The following ZNF486 variants were observed in gnomAD, a reference collection of about 807,000 sequenced individuals.
The protein encoded by ZNF486 is zinc finger protein 486, also known as KRAB box only protein 2.
In ZNF486, 12 loss-of-function variants were observed where a neutral mutation model predicts 12.8. The observed-to-expected ratio is 0.94, with a 90% CI of 0.60 to 1.52. The LOEUF (loss-of-function observed/expected upper bound fraction) is 1.52. ZNF486 is among the 40% of genes most tolerant of loss of function. The pLI, the probability that ZNF486 is intolerant of heterozygous loss-of-function variation, is 0.00. For missense variants in ZNF486, 738 were observed against 545.0 expected (o/e 1.35, Z -3.53); for synonymous variants, 231 against 184.9 (o/e 1.25, Z -2.02).
At chr19:20,191,523 AT>A (rs1555717210) in intron 3 of ZNF486, among the ~76,000 whole-genome samples, 1 of 150,700 alleles carries the variant, frequency 6.6e-6, no homozygotes, top group Non-Finnish European at 1.5e-5. Flanking sequence ...TAATCCCAGC[AT>A]TTTGGGAGGC....
At chr19:20,180,844 T>A (rs928909082) in intron 1 of ZNF486, among the ~76,000 whole-genome samples, 4 of 152,228 alleles carry the variant, frequency 2.6e-5, no homozygotes, top group Admixed American at 2.0e-4. Context: ...TACTTTTTTT[T>A]ACCTTCTAAA....
chr19:20,172,300 G>C (rs954072130), intron 1 of ZNF486, among the ~76,000 whole-genome samples: 1 of 139,884 alleles, frequency 7.1e-6, no homozygotes, highest in Non-Finnish European at 1.5e-5. Flanking sequence ...ACTGCACCTA[G>C]CTTTTGCCTA....
chr19:20,187,868 T>C (rs782059156), intron 3 of ZNF486, among the ~76,000 whole-genome samples: 22 of 152,120 alleles, frequency 1.4e-4, no homozygotes, highest in African/African-American at 5.1e-4. Flanking sequence ...GGTGATGAGA[T>C]GCCCTCTGAA....
intron 3 of ZNF486, among the ~76,000 whole-genome samples, chr19:20,194,516 C>T (rs1433071180): frequency 1.3e-5 from 2 of 152,124 alleles, no homozygotes; most frequent in African/African-American, 4.8e-5. Context: ...CACCTGAGGT[C>T]AGAAGTTTGA....
In ZNF486 at chr19:20,184,197, T is replaced by C. The variant is rs189889214; in HGVS notation, c.31-159T>C. Among the ~76,000 whole-genome samples, 387 of 152,308 alleles carry C rather than the reference T, an allele frequency of 2.5e-3. 2 individuals carry two copies. Among genetic ancestry groups the C allele is most frequent in the African/African-American group, 8.9e-3 (370 of 41,578 alleles). On this transcript the variant is annotated intron_variant, in intron 1 of 3. Coordinates refer to ENST00000335117, the MANE Select transcript of ZNF486 (RefSeq NM_052852.4). ...GCTCTTTTTTTTCAGAGATAGAGAA[T>C]ACATTAGAAAATATTTCTGTATTGA...
intron 3 of ZNF486, among the ~76,000 whole-genome samples, chr19:20,192,638 G>A: frequency 6.6e-6 from 1 of 152,142 alleles, no homozygotes; most frequent in South Asian, 2.1e-4. Context: ...GTCTCACTCT[G>A]TCAACCAGGC....
Position 20,197,862 on chromosome 19 carries a change from C to A in ZNF486, c.1152C>A (p.Gly384=). ...GEKPYKCEEC[G]KAFTWSAGLH... ...AACCATACAAATGTGAAGAATGTGG[C>A]AAAGCCTTTACATGGTCTGCAGGCC... Residue 384 remains glycine (G), a synonymous_variant, in exon 4 of 4, where the codon GGC becomes GGA. Transcript: ENST00000335117. 6.2e-7 allele frequency: 1 copy of A among 1,613,386 alleles called. No individual in the cohort carries two copies. Among genetic ancestry groups the A allele is most frequent in the Non-Finnish European group, 8.5e-7 (1 of 1,179,912 alleles).
intron 3 of ZNF486, among the ~76,000 whole-genome samples, chr19:20,189,488 A>G (rs1439558100): frequency 6.6e-6 from 1 of 152,220 alleles, no homozygotes; most frequent in Admixed American, 6.5e-5. Flanking sequence ...TTATTGCAAC[A>G]TCAACAGATT....
In ZNF486 at chr19:20,196,972, T is replaced by A. The variant is rs1555718069; in HGVS notation, c.262T>A (p.Ser88Thr). 6.5e-7 allele frequency: 1 copy of A among 1,546,658 alleles called. No individual in the cohort carries two copies. The highest frequency in any genetic ancestry group is 8.7e-7 in the Non-Finnish European group (1 of 1,152,960). ...TTTATTGTTTCTTTCAGTTGTGTGT[T>A]CTCATTTTGCCCAAGACCTTTGGCC... is the stretch of plus-strand genomic sequence containing the variant. ...EMIAKPPVVC[S>T]HFAQDLWPEQ... is the part of the protein sequence containing the mutation. Residue 88 changes from serine to threonine, a missense_variant, in exon 4 of 4, where the codon TCT (serine) becomes ACT (threonine). Transcript: ENST00000335117.
intron 1 of ZNF486, 23 bp from the exon 2 acceptor site, chr19:20,184,333 G>A (rs529252263): frequency 2.5e-6 from 3 of 1,186,954 alleles, no homozygotes; most frequent in African/African-American, 1.5e-5. Flanking sequence ...TGGTGAAAAT[G>A]TGTGTGTGTG....
intron 1 of ZNF486, among the ~76,000 whole-genome samples, chr19:20,183,943 G>GAA (rs34791235): frequency 6.6e-6 from 1 of 150,698 alleles, no homozygotes; most frequent in Non-Finnish European, 1.5e-5. Flanking sequence ...AGATCTTTTG[G>GAA]AAAAAAAAAT....
intron 3 of ZNF486, among the ~76,000 whole-genome samples, chr19:20,192,352 CCAAGCTGGAGTG>C (rs1371011724): frequency 6.6e-6 from 1 of 151,974 alleles, no homozygotes; most frequent in African/African-American, 2.4e-5. Flanking sequence ...CTTTTGTTGC[CCAAGCTGGAGTG>C]CAATGGCGTG....
intron 1 of ZNF486, among the ~76,000 whole-genome samples, chr19:20,177,721 T>C (rs1180148914): frequency 2.0e-5 from 3 of 152,002 alleles, no homozygotes; most frequent in Non-Finnish European, 4.4e-5. Context: ...ATTGCAGGCA[T>C]GTGCCACCAT....
At chr19:20,192,834 G>T (rs563956706) in intron 3 of ZNF486, among the ~76,000 whole-genome samples, 1 of 152,256 alleles carries the variant, frequency 6.6e-6, no homozygotes, top group East Asian at 1.9e-4. Flanking sequence ...CAAGTGATGA[G>T]CCTACCTTGG....
chr19:20,168,163 C>A (rs1293767114), intron 1 of ZNF486, among the ~76,000 whole-genome samples: 1 of 149,132 alleles, frequency 6.7e-6, no homozygotes, highest in African/African-American at 2.5e-5. Flanking sequence ...AGTTCTAGAC[C>A]ATCCTGGCCA....
chr19:20,176,941 A>G (rs556744407), intron 1 of ZNF486: 13 of 152,318 alleles, frequency 8.5e-5, no homozygotes, highest in African/African-American at 2.9e-4. Context: ...CATGCTGGAA[A>G]TTCAGCAGTA....
In ZNF486 at chr19:20,192,472, A is replaced by T. The variant is rs552903304; in HGVS notation, c.254-4492A>T. Among the ~76,000 whole-genome samples, 4 of 152,048 alleles carry T rather than the reference A, an allele frequency of 2.6e-5. No individual in the cohort carries two copies. The East Asian group carries it at 7.7e-4, about 29-fold the overall frequency. ...AGGCACCTGTCACCATGCCCAGCTA[A>T]TTTTTTTGTATTTTAGGTAGAGATG... On this transcript the variant is annotated intron_variant, in intron 3 of 3. Coordinates refer to ENST00000335117, the MANE Select transcript of ZNF486 (RefSeq NM_052852.4).
chr19:20,195,898 T>G (rs1267476551), intron 3 of ZNF486, among the ~76,000 whole-genome samples: 4 of 152,252 alleles, frequency 2.6e-5, no homozygotes, highest in African/African-American at 9.6e-5. Flanking sequence ...CATTTTTTTT[T>G]AGCATTTTAT....
In ZNF486 at chr19:20,192,584, AG is replaced by A. The variant is rs1203386718; in HGVS notation, c.254-4378del. 5.3e-5 allele frequency among the ~76,000 whole-genome samples: 8 copies of A among 152,332 alleles called. No individual in the cohort carries two copies. In the East Asian group the frequency reaches 1.5e-3, roughly 29 times the overall value. ...CTGCCTCCCAAAGTGCTGGGATTAC[AG>A]GCATCAGCCACCACGCCTGGCCTCA... is the stretch of plus-strand genomic sequence containing the variant. On this transcript the variant is annotated intron_variant, in intron 3 of 3. Coordinates refer to ENST00000335117, the MANE Select transcript of ZNF486 (RefSeq NM_052852.4).
Sources: allele counts gnomAD v4.1 joint callset (sites outside exome capture counted in the v4.1 genomes callset), GRCh38; gene constraint gnomAD v4.1.1; transcripts MANE v1.5; gene names NCBI Gene and HGNC (gene_info 2026-07-23, HGNC 2026-07-21).